Variants in CCSER1 observed in about 807,000 individuals in gnomAD.
CCSER1 encodes serine-rich coiled-coil domain-containing protein 1.
A neutral mutation model predicts 82.0 loss-of-function variants in CCSER1; 41 were observed. That is an observed-to-expected ratio of 0.50 (90% CI 0.39 to 0.65). The LOEUF (loss-of-function observed/expected upper bound fraction) is 0.65. CCSER1 is among the 30% of genes least tolerant of loss of function. CCSER1 has a pLI of 0.00. For synonymous variants in CCSER1, 414 were observed against 383.9 expected (o/e 1.08, Z -0.92); for missense variants, 1,119 against 1,064.2 (o/e 1.05, Z -0.72).
intron 10 of CCSER1, among the ~76,000 whole-genome samples, chr4:91,388,780 C>T (rs1003370109): frequency 1.1e-4 from 17 of 151,940 alleles, no homozygotes; most frequent in South Asian, 2.1e-4. Context: ...AGGTAGTGTC[C>T]GTCTTCTAAC....
At chr4:91,374,247 G>A (rs908720067) in intron 10 of CCSER1, among the ~76,000 whole-genome samples, 14 of 152,178 alleles carry the variant, frequency 9.2e-5, no homozygotes, top group Non-Finnish European at 2.9e-5. Context: ...TGTATTGGAA[G>A]AAGATGCCAT....
At chr4:90,987,556 C>T (rs1006593616) in intron 9 of CCSER1, among the ~76,000 whole-genome samples, 47 of 151,442 alleles carry the variant, frequency 3.1e-4, no homozygotes, top group Admixed American at 3.0e-3. Flanking sequence ...GCTACTTGTA[C>T]CAAGGCACCC....
intron 10 of CCSER1, among the ~76,000 whole-genome samples, chr4:91,528,349 T>C (rs1009387234): frequency 6.7e-6 from 1 of 148,892 alleles, no homozygotes; most frequent in African/African-American, 2.5e-5. Flanking sequence ...AATGCAGTTT[T>C]GTTATTTATT....
rs3042070 is a variant in CCSER1, at chr4:90,437,277, G to GCA, written c.1604-30946_1604-30945dup. Among the ~76,000 whole-genome samples, 668 of 151,298 alleles carry GCA rather than the reference G, an allele frequency of 4.4e-3. 6 individuals are homozygous for GCA. The highest frequency in any genetic ancestry group is 0.015 in the African/African-American group (616 of 41,176). On this transcript the variant is annotated intron_variant, in intron 4 of 10. Coordinates refer to ENST00000509176, the MANE Select transcript of CCSER1 (RefSeq NM_001145065.2). ...TACGCACACATGCACACATGCGCGC[G>GCA]CACACACACACATATATATATACAC...
intron 10 of CCSER1, among the ~76,000 whole-genome samples, chr4:91,494,053 A>G (rs1018800897): frequency 1.3e-5 from 2 of 151,876 alleles, no homozygotes; most frequent in African/African-American, 4.8e-5. Flanking sequence ...GAAATGGGGG[A>G]CTTTATAAAA....
chr4:90,157,636 A>G (rs1480181056), intron 1 of CCSER1, among the ~76,000 whole-genome samples: 2 of 151,780 alleles, frequency 1.3e-5, no homozygotes, highest in Non-Finnish European at 2.9e-5. Flanking sequence ...ATCTTCCATC[A>G]CTGATACCCT....
At chr4:90,822,020 A>C (rs1268685210) in intron 8 of CCSER1, among the ~76,000 whole-genome samples, 1 of 152,216 alleles carries the variant, frequency 6.6e-6, no homozygotes, top group Non-Finnish European at 1.5e-5. Flanking sequence ...ATGGATGAAG[A>C]GTGTGTACCA....
chr4:91,196,704 C>T (rs890013378), intron 10 of CCSER1, among the ~76,000 whole-genome samples: 1 of 152,180 alleles, frequency 6.6e-6, no homozygotes, highest in Non-Finnish European at 1.5e-5. Context: ...TGTGAGGTGG[C>T]TTTCAATGCA....
intron 10 of CCSER1, among the ~76,000 whole-genome samples, chr4:91,189,185 A>T (rs549325990): frequency 1.1e-4 from 16 of 152,186 alleles, no homozygotes; most frequent in Admixed American, 5.2e-4. Context: ...AACTTACCAT[A>T]GCCTTAGCTC....
chr4:90,471,341 G>A (rs1330606897), intron 5 of CCSER1, among the ~76,000 whole-genome samples: 1 of 151,878 alleles, frequency 6.6e-6, no homozygotes, highest in Non-Finnish European at 1.5e-5. Context: ...AGGCTGAGGG[G>A]AAAGGATCAT....
chr4:90,880,954 G>A (rs1721214149), intron 8 of CCSER1, among the ~76,000 whole-genome samples: 1 of 151,608 alleles, frequency 6.6e-6, no homozygotes, highest in Admixed American at 6.6e-5. Flanking sequence ...TCAGTTGAAG[G>A]TGCTGAATTT....
rs1188601645 is a variant in CCSER1, at chr4:90,870,139, CA to C, written c.2095-53229del. Among the ~76,000 whole-genome samples the C allele has an allele frequency of 1.2e-4, 18 of 151,976 alleles. No homozygotes were observed. In the South Asian group the frequency reaches 3.3e-3, roughly 28 times the overall value. On this transcript the variant is annotated intron_variant, in intron 8 of 10. Coordinates refer to ENST00000509176, the MANE Select transcript of CCSER1 (RefSeq NM_001145065.2). ...AATATAAGATCATATTATCTGCAAA[CA>C]AGGATAATTTGACTTCTTCATTTCC...
chr4:90,332,705 T>C (rs922907347), intron 3 of CCSER1, among the ~76,000 whole-genome samples: 2 of 152,332 alleles, frequency 1.3e-5, no homozygotes, highest in African/African-American at 4.8e-5. Flanking sequence ...TCTATATTAT[T>C]TTTGTGAATC....
intron 4 of CCSER1, among the ~76,000 whole-genome samples, chr4:90,466,669 T>C (rs1277134374): frequency 2.0e-5 from 3 of 152,308 alleles, no homozygotes; most frequent in African/African-American, 7.2e-5. Flanking sequence ...AGAAAATTAA[T>C]ATAATATTAA....
chr4:90,734,250 C>A (rs1283858394), intron 7 of CCSER1, among the ~76,000 whole-genome samples: 2 of 151,988 alleles, frequency 1.3e-5, no homozygotes, highest in African/African-American at 4.8e-5. Flanking sequence ...CTCTGCCTCT[C>A]AAGTAGCTGG....
intron 5 of CCSER1, among the ~76,000 whole-genome samples, chr4:90,478,727 CTTTCTTTTTTT>C (rs1765446400): frequency 6.9e-6 from 1 of 144,380 alleles, no homozygotes; most frequent in African/African-American, 2.6e-5. Context: ...TACTTTCTTT[CTTTCTTTTTTT>C]TTTTTTTTTT....
intron 10 of CCSER1, among the ~76,000 whole-genome samples, chr4:91,399,048 T>TA (rs1465663199): frequency 7.3e-5 from 11 of 151,648 alleles, no homozygotes; most frequent in East Asian, 3.9e-4. Flanking sequence ...GTGAGATGTG[T>TA]AAAAAAAATT....
chr4:91,235,880 A>G (rs1331109403), intron 10 of CCSER1, among the ~76,000 whole-genome samples: 2 of 152,216 alleles, frequency 1.3e-5, no homozygotes, highest in South Asian at 2.1e-4. Context: ...TTAAAAAATA[A>G]CTGAATTATA....
intron 9 of CCSER1, among the ~76,000 whole-genome samples, chr4:90,949,211 A>G (rs1732617586): frequency 1.3e-5 from 2 of 152,066 alleles, no homozygotes; most frequent in African/African-American, 4.8e-5. Context: ...TGTATGAAAA[A>G]GACACATTTG....
Sources: gnomAD v4.1 joint callset for allele counts (sites outside exome capture counted in the v4.1 genomes callset) on GRCh38, gnomAD v4.1.1 for gene constraint, MANE v1.5 for transcripts, NCBI Gene and HGNC (gene_info 2026-07-23, HGNC 2026-07-21) for gene names.